KHDC1: variants seen among roughly 807,000 people sequenced by gnomAD.
KHDC1 encodes the protein KH domain containing 1.
Under a neutral mutation model 24.7 loss-of-function variants are expected in KHDC1, and 21 were observed. The observed-to-expected ratio is 0.85, with a 90% CI of 0.60 to 1.23. KHDC1 has a LOEUF of 1.23. Among genes scored for constraint, KHDC1 ranks in the 50% most tolerant of loss-of-function variants. The pLI is 0.00. For missense variants in KHDC1, 274 were observed against 298.5 expected (o/e 0.92, Z 0.61); for synonymous variants, 98 against 111.7 (o/e 0.88, Z 0.77).
At position 73,246,178 on chromosome 6, in the gene KHDC1, ATTTG is replaced by A. The variant is rs1055910495; in HGVS notation, c.207-3652_207-3649del. Among the ~76,000 whole-genome samples the A allele has an allele frequency of 5.9e-5, 9 of 152,068 alleles. No individual in the cohort carries two copies. In the East Asian group the frequency reaches 1.2e-3, roughly 20 times the overall value. ...TCACATATCTACTGCCTATATAAAT[ATTTG>A]TTTGTTTGTTTGTTTTAAGCAGGCG... On this transcript the variant is annotated intron_variant, in intron 2 of 4. Transcript: ENST00000370384.
At chr6:73,241,795 C>G (rs998030231) in intron 4 of KHDC1, 67 bp from the exon 4 acceptor site, 1 of 1,552,176 alleles carries the variant, frequency 6.4e-7, no homozygotes, top group African/African-American at 1.4e-5. Context: ...CAGGCCTGGA[C>G]TCCATCAGGG....
chr6:73,291,193 T>C (rs986436819), intron 2 of KHDC1: 1 of 474,886 alleles, frequency 2.1e-6, no homozygotes, highest in Non-Finnish European at 4.2e-6. Flanking sequence ...GCACTTAGCC[T>C]ACCATGAATG....
intron 2 of KHDC1, among the ~76,000 whole-genome samples, chr6:73,265,965 A>C (rs1039318526): frequency 6.6e-6 from 1 of 152,168 alleles, no homozygotes; most frequent in Non-Finnish European, 1.5e-5. Flanking sequence ...TTTGTTACCC[A>C]GGCTAAAGTG....
At chr6:73,245,790 G>A (rs376353106) in intron 2 of KHDC1, among the ~76,000 whole-genome samples, 22 of 152,148 alleles carry the variant, frequency 1.4e-4, no homozygotes, top group African/African-American at 4.6e-4. Flanking sequence ...TGAAGAATAC[G>A]TTGGAATTCC....
chr6:73,290,248 G>A (rs1384857403), intron 2 of KHDC1, among the ~76,000 whole-genome samples: 2 of 151,328 alleles, frequency 1.3e-5, no homozygotes, highest in African/African-American at 4.9e-5. Context: ...CTGCACTCCA[G>A]CCTGGTGACA....
chr6:73,264,562 G>T (rs1026418714), intron 2 of KHDC1, among the ~76,000 whole-genome samples: 3 of 152,206 alleles, frequency 2.0e-5, no homozygotes, highest in Non-Finnish European at 4.4e-5. Context: ...ATTCTGTGGA[G>T]CAGGTATGTG....
chr6:73,295,647 AC>A (rs1351528026), intron 1 of KHDC1, among the ~76,000 whole-genome samples: 1 of 151,900 alleles, frequency 6.6e-6, no homozygotes, highest in Non-Finnish European at 1.5e-5. Context: ...GGAGTTCGAC[AC>A]CCGCCTGGCT....
At chr6:73,271,999 C>T (rs565432024) in intron 2 of KHDC1, among the ~76,000 whole-genome samples, 15 of 145,646 alleles carry the variant, frequency 1.0e-4, no homozygotes, top group African/African-American at 3.6e-4. Context: ...ATAGTGTAAT[C>T]CCATTTAAAA....
At chr6:73,306,825 G>A (rs1267406107) in intron 1 of KHDC1, among the ~76,000 whole-genome samples, 4 of 152,098 alleles carry the variant, frequency 2.6e-5, no homozygotes, top group East Asian at 3.9e-4. Context: ...TGGCCAACAC[G>A]GTGAAACCCC....
intron 2 of KHDC1, among the ~76,000 whole-genome samples, chr6:73,286,935 G>A (rs1767534102): frequency 6.6e-6 from 1 of 151,308 alleles, no homozygotes; most frequent in African/African-American, 2.4e-5. Flanking sequence ...GCCCTGACTA[G>A]GATCCTGAAA....
intron 2 of KHDC1, chr6:73,290,681 C>T: frequency 4.3e-6 from 2 of 461,936 alleles, no homozygotes; most frequent in East Asian, 5.7e-5. Flanking sequence ...AAGTTTGCTG[C>T]TGCTGCTGGA....
chr6:73,273,518 G>C (rs972499995), intron 2 of KHDC1, among the ~76,000 whole-genome samples: 3 of 151,780 alleles, frequency 2.0e-5, no homozygotes, highest in Non-Finnish European at 2.9e-5. Context: ...TAAAATAATA[G>C]TAATAAGCCA....
intron 2 of KHDC1, among the ~76,000 whole-genome samples, chr6:73,285,649 C>CTTTTTTTTTTT (rs539979246): frequency 7.7e-6 from 1 of 130,072 alleles, no homozygotes; most frequent in Non-Finnish European, 1.6e-5. Flanking sequence ...TCTTTTTTTT[C>CTTTTTTTTTTT]TTTTTTTTTT....
At position 73,309,686 on chromosome 6, in the gene KHDC1, C is replaced by A. The variant is rs1562263204; in HGVS notation, c.29G>T (p.Arg10Leu). 1.9e-6 allele frequency: 3 copies of A among 1,549,884 alleles called. No homozygotes were observed. The African/African-American group carries it at 4.1e-5, about 21-fold the overall frequency. The change falls in exon 1 of 5, where the codon CGA (arginine) becomes CTA (leucine). Residue 10 changes from arginine (R) to leucine (L), a missense_variant. Physicochemically the swap from Arg to Leu is moderately radical, Grantham distance 102. Coordinates refer to ENST00000370384, the Ensembl canonical transcript of KHDC1. ...GACTGTTTCAATCACAAATAAGACT[C>A]GGAACAGCCTCTGGAAGGCCGACAG...
At chr6:73,260,467 T>G (rs892187929) in intron 2 of KHDC1, among the ~76,000 whole-genome samples, 21 of 152,204 alleles carry the variant, frequency 1.4e-4, no homozygotes, top group Non-Finnish European at 3.1e-4. Context: ...TGAAATTATA[T>G]TTTTCTAATT....
At chr6:73,267,361 T>TA (rs1487919009) in intron 2 of KHDC1, among the ~76,000 whole-genome samples, 2 of 152,124 alleles carry the variant, frequency 1.3e-5, no homozygotes, top group East Asian at 3.8e-4. Flanking sequence ...CAGGCGCCTG[T>TA]AGTCCCAGCT....
intron 2 of KHDC1, among the ~76,000 whole-genome samples, chr6:73,262,508 T>C (rs532390): frequency 0.016 from 2,446 of 152,326 alleles, 42 homozygotes; most frequent in South Asian, 0.057. Context: ...TCCAGCACAA[T>C]AGTTTACATT....
rs142918356 is a variant in KHDC1, at chr6:73,306,129, C to T, written c.163+3423G>A. 3.9e-3 allele frequency among the ~76,000 whole-genome samples: 597 copies of T among 152,216 alleles called. 2 individuals are homozygous for T. The highest frequency in any genetic ancestry group is 0.014 in the African/African-American group (569 of 41,510). ...CAAAATGAGTATTCTTTATCTTCAA[C>T]CAGAATGAATCTTTCCATATAGCTC... On this transcript the variant is annotated intron_variant, in intron 1 of 4. Transcript: ENST00000370384.
At chr6:73,258,402 C>G (rs916808794) in intron 2 of KHDC1, among the ~76,000 whole-genome samples, 59 of 151,960 alleles carry the variant, frequency 3.9e-4, no homozygotes, top group African/African-American at 1.4e-3. Context: ...ATGATTATGC[C>G]ACTGCACTCC....
Sources: allele counts gnomAD v4.1 joint callset (sites outside exome capture counted in the v4.1 genomes callset), GRCh38; gene constraint gnomAD v4.1.1; transcripts MANE v1.5; gene names NCBI Gene and HGNC (gene_info 2026-07-23, HGNC 2026-07-21).